DNAH12: variants seen among roughly 807,000 people sequenced by gnomAD.
The protein encoded by DNAH12 is dynein axonemal heavy chain 12, also known as axonemal beta dynein heavy chain 12.
DNAH12 carries 285 observed loss-of-function variants against 371.5 expected under a neutral mutation model. That is an observed-to-expected ratio of 0.77 (90% CI 0.70 to 0.85). DNAH12 has a LOEUF of 0.85. Ranked by LOEUF, DNAH12 falls within the 40% of genes least tolerant of loss-of-function variation. The pLI, the probability that DNAH12 is intolerant of heterozygous loss-of-function variation, is 0.00. For missense variants in DNAH12, 3,611 were observed against 3,689.4 expected (o/e 0.98, Z 0.55); for synonymous variants, 1,200 against 1,213.0 (o/e 0.99, Z 0.22).
rs528500703 is a variant in DNAH12 at position 57,498,650 on chromosome 3, C to T, written c.1335+2671G>A. 5.0e-5 allele frequency: 35 copies of T among 697,098 alleles called. 1 individual carries two copies. The highest frequency in any genetic ancestry group is 2.3e-4 in the Middle Eastern group (1 of 4,286). 43.2% of individuals were successfully genotyped at this position (697,098 alleles called of 1,614,324 possible). A position where few individuals can be genotyped will look rare whatever the true frequency, so the allele number is the denominator to read the frequency against. On this transcript the variant is annotated intron_variant, in intron 11 of 73. Coordinates refer to ENST00000495027, the MANE Select transcript of DNAH12 (RefSeq NM_001366028.2). ...GAAACATCTCAAATATCCATCAAAA[C>T]GTGAATGAATAAAGAAACTATATAC...
At chr3:57,537,549 C>A (rs549371177) in intron 2 of DNAH12, among the ~76,000 whole-genome samples, 5 of 152,158 alleles carry the variant, frequency 3.3e-5, no homozygotes, top group Non-Finnish European at 7.4e-5. Context: ...GAGAAGTCTG[C>A]GCTCCTGTCA....
At chr3:57,433,560 G>C in intron 31 of DNAH12, 53 bp from the exon 32 acceptor site, 2 of 1,538,704 alleles carry the variant, frequency 1.3e-6, no homozygotes, top group Non-Finnish European at 1.7e-6. Flanking sequence ...TTAGATTTAG[G>C]AGTAAAACTA....
intron 4 of DNAH12, chr3:57,519,742 G>A (rs2068339419): frequency 6.2e-7 from 1 of 1,610,582 alleles, no homozygotes; most frequent in Non-Finnish European, 8.5e-7. Flanking sequence ...CACCCACAGG[G>A]ACATGCAGCA....
chr3:57,421,099 A>G (rs1442261471), intron 36 of DNAH12, among the ~76,000 whole-genome samples: 1 of 152,058 alleles, frequency 6.6e-6, no homozygotes, highest in African/African-American at 2.4e-5. Context: ...GTCAGTCAGG[A>G]GAACTTGAGT....
At chr3:57,421,258 C>G (rs1337851117) in intron 36 of DNAH12, among the ~76,000 whole-genome samples, 1 of 151,948 alleles carries the variant, frequency 6.6e-6, no homozygotes. Flanking sequence ...TATTCAAATA[C>G]TTGCTGTTTA....
At chr3:57,354,560 A>T (rs1307773783) in intron 59 of DNAH12, among the ~76,000 whole-genome samples, 1 of 151,780 alleles carries the variant, frequency 6.6e-6, no homozygotes, top group Non-Finnish European at 1.5e-5. Context: ...GAAAAAAAAA[A>T]AGAAAAAAAA....
intron 60 of DNAH12, among the ~76,000 whole-genome samples, chr3:57,349,522 ATAGCAGCACAATT>A (rs2062622095): frequency 6.6e-6 from 1 of 152,228 alleles, no homozygotes; most frequent in Admixed American, 6.5e-5. Flanking sequence ...ACACACGTTT[ATAGCAGCACAATT>A]TGCAATTGCA....
At chr3:57,299,757 C>A (rs528266008) in intron 70 of DNAH12, among the ~76,000 whole-genome samples, 2 of 151,632 alleles carry the variant, frequency 1.3e-5, no homozygotes, top group Non-Finnish European at 2.9e-5. Context: ...GTAACCTGAC[C>A]ATGATGGCAT....
At chr3:57,520,022 G>A (rs1433267879) in intron 4 of DNAH12, 1 of 754,308 alleles carries the variant, frequency 1.3e-6, no homozygotes, top group East Asian at 2.7e-5. Context: ...GTAGCGCCGC[G>A]GAGCCGATGG....
intron 25 of DNAH12, among the ~76,000 whole-genome samples, chr3:57,449,022 C>T (rs1375788915): frequency 3.9e-4 from 46 of 116,752 alleles, no homozygotes; most frequent in African/African-American, 1.3e-3. Flanking sequence ...ACTCACAAAC[C>T]TTGAGCTAAA....
At chr3:57,336,157 A>G (rs531641951) in intron 60 of DNAH12, among the ~76,000 whole-genome samples, 31 of 152,302 alleles carry the variant, frequency 2.0e-4, no homozygotes, top group African/African-American at 6.5e-4. Context: ...TAAGTCTTGA[A>G]AAGATCAAAC....
At chr3:57,525,002 A>G (rs749950813) in intron 2 of DNAH12, among the ~76,000 whole-genome samples, 2 of 152,148 alleles carry the variant, frequency 1.3e-5, no homozygotes, top group African/African-American at 4.8e-5. Context: ...ATAATGCTAG[A>G]TATACTAGAA....
At chr3:57,505,918 A>G (rs931571702) in intron 8 of DNAH12, among the ~76,000 whole-genome samples, 1 of 150,472 alleles carries the variant, frequency 6.6e-6, no homozygotes, top group Non-Finnish European at 1.5e-5. Flanking sequence ...CTAATTTTTA[A>G]TTTTTTTTCT....
chr3:57,362,972 G>A (rs1490656113), intron 58 of DNAH12, among the ~76,000 whole-genome samples: 1 of 152,020 alleles, frequency 6.6e-6, no homozygotes, highest in African/African-American at 2.4e-5. Context: ...GTATTGCCAA[G>A]GTTTTCTTCT....
At chr3:57,522,297 A>G (rs1169012997) in intron 4 of DNAH12, among the ~76,000 whole-genome samples, 4 of 152,216 alleles carry the variant, frequency 2.6e-5, no homozygotes, top group Non-Finnish European at 5.9e-5. Context: ...GATGACATTC[A>G]TGATGAAGTG....
At chr3:57,519,343 G>A (rs1196192273) in intron 4 of DNAH12, among the ~76,000 whole-genome samples, 1 of 152,176 alleles carries the variant, frequency 6.6e-6, no homozygotes, top group East Asian at 1.9e-4. Context: ...TCCACAGCCT[G>A]TTGTATAGAA....
chr3:57,419,461 CTAAA>C lies in DNAH12; in HGVS notation c.5616_5619del (p.Asn1872LysfsTer12). 2 of 1,495,704 alleles carry C rather than the reference CTAAA, an allele frequency of 1.3e-6. No homozygotes were observed. The highest frequency in any genetic ancestry group is 1.8e-6 in the Non-Finnish European group (2 of 1,124,680). 92.7% of individuals were successfully genotyped at this position (1,495,704 alleles called of 1,614,324 possible). ...TCTTGAATCTTGATTTGTTTATCTCCTAAATTAGTATTTTTAATTAATTCATTCC... is the reference window on the plus strand; with the variant it reads ...TCTTGAATCTTGATTTGTTTATCTCCTTAGTATTTTTAATTAATTCATTCC... On this transcript the variant is annotated frameshift_variant, in exon 37 of 74. Transcript: ENST00000495027. LOFTEE classifies it high-confidence loss of function.
chr3:57,542,136 GTT>G (rs2069312005), intron 2 of DNAH12, among the ~76,000 whole-genome samples: 1 of 104,546 alleles, frequency 9.6e-6, no homozygotes, highest in Admixed American at 1.3e-4. Context: ...ACCCAAATTA[GTT>G]TTAATTTCCA....
Position 57,404,988 on chromosome 3 carries a change from T to C in DNAH12, c.6736A>G (p.Met2246Val). ...AGGTACCTAAAAATGACAAGATTCATTCTTGTTTTGTGTGTTTGATTATAC... is the reference window on the plus strand; with the variant it reads ...AGGTACCTAAAAATGACAAGATTCACTCTTGTTTTGTGTGTTTGATTATAC... ...DEYNQTHKTR[M>V]NLVIFRYVLE... The change falls in exon 42 of 74, where the codon ATG (methionine) becomes GTG (valine). Residue 2246 changes from methionine (M) to valine (V), a missense_variant. Around this residue, in one of 3 missense-constraint regions of DNAH12, gnomAD observed 2,266 missense variants for 2,236.9 expected, o/e 1.01. Coordinates refer to ENST00000495027, the MANE Select transcript of DNAH12 (RefSeq NM_001366028.2). 16 of 1,519,536 alleles carry C rather than the reference T, an allele frequency of 1.1e-5. No homozygotes were observed. Among genetic ancestry groups the C allele is most frequent in the Non-Finnish European group, 1.4e-5 (16 of 1,137,398 alleles). 94.1% of individuals were successfully genotyped at this position (1,519,536 alleles called of 1,614,324 possible).
Sources: allele counts gnomAD v4.1 joint callset (sites outside exome capture counted in the v4.1 genomes callset), GRCh38; gene constraint gnomAD v4.1.1; regional missense constraint gnomAD v4.1.1; transcripts MANE v1.5; gene names NCBI Gene and HGNC (gene_info 2026-07-23, HGNC 2026-07-21).